The following DCUN1D4 variants were observed in gnomAD, a reference collection of about 807,000 sequenced individuals.
The protein encoded by DCUN1D4 is DCN1-like protein 4.
A neutral mutation model predicts 47.9 loss-of-function variants in DCUN1D4; 22 were observed. The observed-to-expected ratio is 0.46, with a 90% CI of 0.33 to 0.66. The LOEUF is 0.66. Among genes scored for constraint, DCUN1D4 ranks in the 30% least tolerant of loss-of-function variants. The pLI, the probability that DCUN1D4 is intolerant of heterozygous loss-of-function variation, is 0.02. For missense variants in DCUN1D4, 301 were observed against 340.8 expected (o/e 0.88, Z 0.92); for synonymous variants, 121 against 112.2 (o/e 1.08, Z -0.50).
At chr4:51,893,430 CTTTT>C (rs972445617) in intron 7 of DCUN1D4, among the ~76,000 whole-genome samples, 1 of 150,936 alleles carries the variant, frequency 6.6e-6, no homozygotes, top group African/African-American at 2.4e-5. Flanking sequence ...CTTTTCTTTT[CTTTT>C]CTTTTTTTTG....
chr4:51,836,936 G>C, the DCUN1D4 span, among the ~76,000 whole-genome samples: 1 of 152,178 alleles, frequency 6.6e-6, no homozygotes, highest in South Asian at 2.1e-4. Flanking sequence ...GCAGGCTAGA[G>C]AAGGCAAGGA....
rs569370696 is a variant in DCUN1D4 at position 51,845,246 on chromosome 4, A to G, written c.25+1979A>G. ...ATAAATATGAGAACACAGTGGAGGT[A>G]CACGTAACCCTTGTAACGATAATAT... On this transcript the variant is annotated intron_variant, in intron 1 of 10. Transcript: ENST00000334635. 16 of 985,436 alleles carry G rather than the reference A, an allele frequency of 1.6e-5. No homozygotes were observed. In the South Asian group the frequency reaches 6.6e-4, roughly 40 times the overall value. 61.0% of individuals were successfully genotyped at this position (985,436 alleles called of 1,614,324 possible).
At chr4:51,867,712 C>G (rs1726184623) in intron 3 of DCUN1D4, among the ~76,000 whole-genome samples, 1 of 152,200 alleles carries the variant, frequency 6.6e-6, no homozygotes, top group Non-Finnish European at 1.5e-5. Flanking sequence ...GGTCCATGGG[C>G]AGCCATGAGC....
chr4:51,897,992 G>A (rs1283103898), intron 7 of DCUN1D4, among the ~76,000 whole-genome samples: 1 of 152,208 alleles, frequency 6.6e-6, no homozygotes. Flanking sequence ...ACCATCTTGG[G>A]TATTCAGATG....
intron 1 of DCUN1D4, among the ~76,000 whole-genome samples, chr4:51,856,978 T>G (rs1724238125): frequency 6.6e-6 from 1 of 152,210 alleles, no homozygotes; most frequent in Non-Finnish European, 1.5e-5. Context: ...GCATCTGGCC[T>G]CGTCTTCAAC....
chr4:51,838,846 G>T (rs190484167), upstream of DCUN1D4, among the ~76,000 whole-genome samples: 1 of 152,128 alleles, frequency 6.6e-6, no homozygotes, highest in Non-Finnish European at 1.5e-5. Flanking sequence ...GAACTGAGGC[G>T]GGCAGATCAC....
upstream of DCUN1D4, among the ~76,000 whole-genome samples, chr4:51,839,628 A>C (rs1721582503): frequency 6.6e-6 from 1 of 152,194 alleles, no homozygotes; most frequent in Non-Finnish European, 1.5e-5. Context: ...CTAGAAACCC[A>C]CCTAGCCTGA....
intron 3 of DCUN1D4, among the ~76,000 whole-genome samples, chr4:51,868,194 A>G (rs887203189): frequency 2.1e-4 from 32 of 152,278 alleles, no homozygotes; most frequent in African/African-American, 7.2e-4. Context: ...AGTCCTTGAG[A>G]GTGCAGGGAT....
At chr4:51,841,107 C>A (rs1360094419), upstream of DCUN1D4, among the ~76,000 whole-genome samples, 1 of 152,090 alleles carries the variant, frequency 6.6e-6, no homozygotes, top group Non-Finnish European at 1.5e-5. Flanking sequence ...AAGTATGCTG[C>A]AAATAAATTA....
chr4:51,890,447 A>G (rs1730245018), intron 6 of DCUN1D4, among the ~76,000 whole-genome samples: 1 of 152,074 alleles, frequency 6.6e-6, no homozygotes. Context: ...TTGGAGAAAC[A>G]TGTGTTTATC....
chr4:51,843,163 C>G lies in DCUN1D4; in HGVS notation c.-80C>G, dbSNP rs573532150. On this transcript the variant is annotated 5_prime_UTR_variant, in exon 1 of 11. Transcript: ENST00000334635. ...CGGCGGCGGGTCCTCAGCTTCGAGC[C>G]GAGGTGCAGTGAGCTGGTGGGGGGA... is the stretch of plus-strand genomic sequence containing the variant. 4.6e-6 allele frequency: 7 copies of G among 1,523,764 alleles called. No individual in the cohort carries two copies. The highest frequency in any genetic ancestry group is 1.4e-5 in the African/African-American group (1 of 71,198). The allele number at this position is 1,523,764 out of a possible 1,614,324, so 94.4% of individuals were successfully genotyped here.
At chr4:51,855,521 A>G (rs927148793) in intron 1 of DCUN1D4, among the ~76,000 whole-genome samples, 1 of 152,206 alleles carries the variant, frequency 6.6e-6, no homozygotes, top group Non-Finnish European at 1.5e-5. Context: ...TAGATATTTC[A>G]GGAAAGATAG....
At chr4:51,901,654 CG>C (rs950688209) in intron 8 of DCUN1D4, among the ~76,000 whole-genome samples, 11 of 152,100 alleles carry the variant, frequency 7.2e-5, no homozygotes, top group African/African-American at 1.9e-4. Context: ...ATCAGCCTGT[CG>C]GGGTGGGATT....
intron 1 of DCUN1D4, among the ~76,000 whole-genome samples, chr4:51,861,831 G>A (rs564088183): frequency 1.3e-5 from 2 of 152,294 alleles, no homozygotes; most frequent in African/African-American, 4.8e-5. Context: ...AGGTGCAAGA[G>A]TTGAATGTTC....
At chr4:51,872,640 T>C (rs140091418) in intron 3 of DCUN1D4, among the ~76,000 whole-genome samples, 1 of 152,224 alleles carries the variant, frequency 6.6e-6, no homozygotes, top group Non-Finnish European at 1.5e-5. Context: ...GCTCTGTCCT[T>C]AGTCCTCTGT....
In DCUN1D4 at chr4:51,891,700, G is replaced by GT. The variant is rs796307877; in HGVS notation, c.415-54dup. On this transcript the variant is annotated intron_variant, in intron 6 of 10. Coordinates refer to ENST00000334635, the MANE Select transcript of DCUN1D4 (RefSeq NM_001040402.3). ...TAATGTATTAATGACAGATCTATTT[G>GT]TTTTTTCTTTTTAATTTGTGTAATA... The GT allele has an allele frequency of 1.4e-4, 186 of 1,339,360 alleles. 2 individuals are homozygous for GT. In the African/African-American group the frequency reaches 1.5e-3, roughly 11 times the overall value. The allele number at this position is 1,339,360 out of a possible 1,614,324, so 83.0% of individuals were successfully genotyped here.
intron 7 of DCUN1D4, 79 bp downstream of exon 7, chr4:51,891,930 T>C (rs1456752483): frequency 9.1e-7 from 1 of 1,094,018 alleles, no homozygotes; most frequent in East Asian, 2.4e-5. Flanking sequence ...CTTCAGGAGG[T>C]GATTGAGTGA....
intron 1 of DCUN1D4, among the ~76,000 whole-genome samples, chr4:51,862,273 G>A (rs1725190479): frequency 6.6e-6 from 1 of 152,216 alleles, no homozygotes; most frequent in Admixed American, 6.5e-5. Context: ...GCTTCTGCCA[G>A]CCCCTCTGCC....
intron 1 of DCUN1D4, among the ~76,000 whole-genome samples, chr4:51,861,144 T>C (rs1175907224): frequency 6.6e-6 from 1 of 152,246 alleles, no homozygotes; most frequent in African/African-American, 2.4e-5. Flanking sequence ...GAGAATTTTT[T>C]ATCCTCACTT....
Sources: gnomAD v4.1 joint callset for allele counts (sites outside exome capture counted in the v4.1 genomes callset) on GRCh38, gnomAD v4.1.1 for gene constraint, MANE v1.5 for transcripts, NCBI Gene and HGNC (gene_info 2026-07-23, HGNC 2026-07-21) for gene names.